The following PARD3 variants were observed in gnomAD, a reference collection of about 807,000 sequenced individuals.
PARD3 encodes partitioning defective 3 homolog.
A neutral mutation model predicts 155.4 loss-of-function variants in PARD3; 75 were observed. That is an observed-to-expected ratio of 0.48 (90% CI 0.40 to 0.58). PARD3 has a LOEUF of 0.58. Ranked by LOEUF, PARD3 falls within the 20% of genes least tolerant of loss-of-function variation. The pLI is 0.00. For synonymous variants in PARD3, 576 were observed against 610.5 expected (o/e 0.94, Z 0.83); for missense variants, 1,642 against 1,721.7 (o/e 0.95, Z 0.82).
intron 2 of PARD3, among the ~76,000 whole-genome samples, chr10:34,619,428 A>G (rs2091478686): frequency 6.6e-6 from 1 of 152,152 alleles, no homozygotes. Flanking sequence ...CTTCAACTAC[A>G]ATGGTGATGC....
At chr10:34,734,987 GA>G (rs1554822503) in intron 1 of PARD3, among the ~76,000 whole-genome samples, 36,581 of 131,708 alleles carry the variant, frequency 0.28, 5,190 homozygotes, top group East Asian at 0.55. Flanking sequence ...GGGCTTATGG[GA>G]AAAAAAAAAA....
chr10:34,480,060 G>A (rs1388133603), intron 3 of PARD3, among the ~76,000 whole-genome samples: 3 of 152,236 alleles, frequency 2.0e-5, no homozygotes, highest in Non-Finnish European at 2.9e-5. Context: ...ATGCCCTGCT[G>A]CTGCAGTCCT....
chr10:34,546,953 G>A (rs766076134), intron 2 of PARD3, among the ~76,000 whole-genome samples: 2 of 152,134 alleles, frequency 1.3e-5, no homozygotes, highest in African/African-American at 2.4e-5. Context: ...GAATTGTTTA[G>A]CCCATCAAAC....
At chr10:34,227,492 G>A (rs12761982) in intron 22 of PARD3, among the ~76,000 whole-genome samples, 4,169 of 152,174 alleles carry the variant, frequency 0.027, 97 homozygotes, top group Non-Finnish European at 0.039. Context: ...AAAAAAATAA[G>A]CTGGACATGG....
At chr10:34,745,752 C>A (rs1835226203) in intron 1 of PARD3, among the ~76,000 whole-genome samples, 1 of 152,086 alleles carries the variant, frequency 6.6e-6, no homozygotes, top group Non-Finnish European at 1.5e-5. Context: ...GAGCCATGAT[C>A]ACGCCACTAT....
At chr10:34,481,700 T>C (rs1490884055) in intron 3 of PARD3, among the ~76,000 whole-genome samples, 2 of 152,210 alleles carry the variant, frequency 1.3e-5, no homozygotes, top group Non-Finnish European at 2.9e-5. Flanking sequence ...CAATACATAT[T>C]TGATTAGCAT....
intron 1 of PARD3, among the ~76,000 whole-genome samples, chr10:34,784,683 C>T (rs1344690330): frequency 3.9e-5 from 6 of 152,164 alleles, no homozygotes; most frequent in Admixed American, 1.3e-4. Context: ...GCGATCCGCC[C>T]GCCTCAGCCT....
chr10:34,471,285 C>T (rs1392137823), intron 3 of PARD3, among the ~76,000 whole-genome samples: 2 of 152,118 alleles, frequency 1.3e-5, no homozygotes, highest in Non-Finnish European at 2.9e-5. Flanking sequence ...CAATAATACA[C>T]TCAGGTGAAC....
rs368308326 is a variant in PARD3 at position 34,293,255 on chromosome 10, A to C, written c.3066-9010T>G. On this transcript the variant is annotated intron_variant, in intron 20 of 24. Transcript: ENST00000374788. ...TAATTATGATGCTGAAGCTTTTTGG[A>C]CATCAACTAGCTGATAGACAAGAAG... Among the ~76,000 whole-genome samples the C allele has an allele frequency of 9.8e-5, 15 of 152,306 alleles. 1 individual carries two copies. Among genetic ancestry groups the C allele is most frequent in the African/African-American group, 3.4e-4 (14 of 41,588 alleles).
chr10:34,308,560 T>C (rs1312885438), intron 20 of PARD3, among the ~76,000 whole-genome samples: 4 of 152,124 alleles, frequency 2.6e-5, no homozygotes, highest in East Asian at 1.9e-4. Context: ...AGAACTGCCA[T>C]TATCTGAGAA....
rs566234166 is a variant in PARD3, at chr10:34,472,274, A to G, written c.404-2011T>C. Among the ~76,000 whole-genome samples the G allele has an allele frequency of 2.0e-5, 3 of 152,312 alleles. No homozygotes were observed. The South Asian group carries it at 6.2e-4, about 32-fold the overall frequency. On this transcript the variant is annotated intron_variant, in intron 3 of 24. Coordinates refer to ENST00000374788, the MANE Select transcript of PARD3 (RefSeq NM_001184785.2). The stretch of plus-strand genomic sequence containing the variant: ...TTTCTGGATTTTAGTGTCTGTAAAC[A>G]TTCATGACAACCTTTGCTGCTTATT...
chr10:34,308,122 T>TA (rs1957506987), intron 20 of PARD3, among the ~76,000 whole-genome samples: 1 of 151,018 alleles, frequency 6.6e-6, no homozygotes, highest in South Asian at 2.1e-4. Context: ...CAGGGAAGAG[T>TA]AAAGTTACTG....
chr10:34,652,489 G>C (rs2093042233), intron 2 of PARD3, among the ~76,000 whole-genome samples: 1 of 152,312 alleles, frequency 6.6e-6, no homozygotes, highest in South Asian at 2.1e-4. Flanking sequence ...GTTTGCTGAA[G>C]GACCACTTAG....
At position 34,351,411 on chromosome 10, in the gene PARD3, G is replaced by A. The variant is rs562010873; in HGVS notation, c.2068-3296C>T. 3.3e-5 allele frequency among the ~76,000 whole-genome samples: 5 copies of A among 152,268 alleles called. No homozygotes were observed. The South Asian group carries it at 6.2e-4, about 19-fold the overall frequency. On this transcript the variant is annotated intron_variant, in intron 14 of 24. Coordinates refer to ENST00000374788, the MANE Select transcript of PARD3 (RefSeq NM_001184785.2). Reference sequence around the variant, plus strand: ...AATAGGCTGTTAAAACTGAGGACACGCCATGATGTTGATATTAAAAGACAT... The same window carrying A: ...AATAGGCTGTTAAAACTGAGGACACACCATGATGTTGATATTAAAAGACAT...
At chr10:34,550,539 C>T (rs534432902) in intron 2 of PARD3, among the ~76,000 whole-genome samples, 1 of 152,050 alleles carries the variant, frequency 6.6e-6, no homozygotes, top group Admixed American at 6.5e-5. Context: ...TGTATTGGAA[C>T]CTTTACCACC....
intron 19 of PARD3, among the ~76,000 whole-genome samples, chr10:34,327,412 C>T (rs1835142639): frequency 6.6e-6 from 1 of 152,178 alleles, no homozygotes; most frequent in Admixed American, 6.5e-5. Context: ...GATCCCACCC[C>T]AGTCTCTTGG....
intron 22 of PARD3, among the ~76,000 whole-genome samples, chr10:34,178,623 G>A (rs1950136757): frequency 6.6e-6 from 1 of 152,114 alleles, no homozygotes; most frequent in African/African-American, 2.4e-5. Context: ...GAACAGACTG[G>A]TCCTGCCTCC....
intron 3 of PARD3, among the ~76,000 whole-genome samples, chr10:34,479,306 C>T (rs1001060644): frequency 4.6e-5 from 7 of 151,750 alleles, no homozygotes; most frequent in Admixed American, 1.3e-4. Flanking sequence ...GGACTACAGG[C>T]GCCTGCCACC....
chr10:34,434,318 C>T (rs552003592), intron 5 of PARD3, among the ~76,000 whole-genome samples: 1 of 152,332 alleles, frequency 6.6e-6, no homozygotes, highest in East Asian at 1.9e-4. Context: ...TCAGCCCTCA[C>T]ACTTAGAGTA....
Sources: allele counts gnomAD v4.1 joint callset (sites outside exome capture counted in the v4.1 genomes callset), GRCh38; gene constraint gnomAD v4.1.1; transcripts MANE v1.5; gene names NCBI Gene and HGNC (gene_info 2026-07-23, HGNC 2026-07-21).